NHLRC2: variants seen among roughly 807,000 people sequenced by gnomAD.
NHLRC2 encodes the protein NHL repeat-containing protein 2.
Under a neutral mutation model 68.1 loss-of-function variants are expected in NHLRC2, and 33 were observed. The ratio of observed to expected loss-of-function variants is 0.48; its 90% CI spans 0.37 to 0.65. NHLRC2 has a LOEUF of 0.65. Among genes scored for constraint, NHLRC2 ranks in the 30% least tolerant of loss-of-function variants. The probability of loss-of-function intolerance (pLI) is 0.00; values close to 1 mark genes in which losing one functional copy is unlikely to be tolerated. For missense variants in NHLRC2, 761 were observed against 853.8 expected (o/e 0.89, Z 1.35); for synonymous variants, 311 against 309.6 (o/e 1.00, Z -0.05).
chr10:113,858,637 A>G lies in NHLRC2; in HGVS notation c.288A>G (p.Leu96=), dbSNP rs200603094. The G allele has an allele frequency of 1.3e-4, 212 of 1,611,688 alleles. 4 individuals are homozygous for G. In the South Asian group the frequency reaches 2.1e-3, roughly 16 times the overall value. The change falls in exon 2 of 11, where the codon CTA becomes CTG. Residue 96 remains leucine, a synonymous_variant. Transcript: ENST00000369301. ...ACTGCTGCATAAACTGTATTCACCTATTGCCTGATCTCCATGCATTAGAAC... is the reference window on the plus strand; with the variant it reads ...ACTGCTGCATAAACTGTATTCACCTGTTGCCTGATCTCCATGCATTAGAAC... ...FTYCCINCIH[L]LPDLHALEHT...
chr10:113,877,374 G>T (rs1845994056), intron 3 of NHLRC2, among the ~76,000 whole-genome samples: 1 of 151,554 alleles, frequency 6.6e-6, no homozygotes. Flanking sequence ...TCTTTTTAAA[G>T]ATCATGTCAG....
At chr10:113,898,996 C>T (rs1233200597) in intron 6 of NHLRC2, among the ~76,000 whole-genome samples, 1 of 151,832 alleles carries the variant, frequency 6.6e-6, no homozygotes, top group African/African-American at 2.4e-5. Flanking sequence ...ATTTTTTTTC[C>T]TTAGACCCTT....
intron 2 of NHLRC2, among the ~76,000 whole-genome samples, chr10:113,867,231 T>C (rs1246480285): frequency 1.3e-5 from 2 of 152,262 alleles, no homozygotes; most frequent in African/African-American, 4.8e-5. Flanking sequence ...GAGCCAATCT[T>C]GTTTGCACAC....
At chr10:113,880,992 C>T (rs1407064218) in intron 4 of NHLRC2, among the ~76,000 whole-genome samples, 1 of 151,846 alleles carries the variant, frequency 6.6e-6, no homozygotes, top group African/African-American at 2.4e-5. Context: ...CATTTCTAAA[C>T]TTATTTGACC....
chr10:113,878,993 T>TGAA (rs558163852), intron 3 of NHLRC2, among the ~76,000 whole-genome samples: 2 of 152,194 alleles, frequency 1.3e-5, no homozygotes, highest in Non-Finnish European at 2.9e-5. Flanking sequence ...TCTCCACCCT[T>TGAA]GAAACTCTAC....
At chr10:113,893,229 A>C (rs890565174) in intron 5 of NHLRC2, among the ~76,000 whole-genome samples, 4 of 152,136 alleles carry the variant, frequency 2.6e-5, no homozygotes, top group African/African-American at 9.6e-5. Flanking sequence ...AATGCACTTG[A>C]GTACTTGTTA....
At chr10:113,877,660 A>G (rs1281827948) in intron 3 of NHLRC2, among the ~76,000 whole-genome samples, 1 of 152,180 alleles carries the variant, frequency 6.6e-6, no homozygotes, top group Non-Finnish European at 1.5e-5. Flanking sequence ...ATCTAAACTG[A>G]GCTGACATTT....
intron 9 of NHLRC2, among the ~76,000 whole-genome samples, chr10:113,904,095 T>C (rs1846252755): frequency 6.6e-6 from 1 of 151,162 alleles, no homozygotes; most frequent in Non-Finnish European, 1.5e-5. Context: ...GCTTATTGTT[T>C]TTGTTTTTTT....
At chr10:113,906,539 CAAAA>C (rs552924833) in intron 10 of NHLRC2, among the ~76,000 whole-genome samples, 18 of 134,500 alleles carry the variant, frequency 1.3e-4, no homozygotes, top group African/African-American at 4.8e-4. Flanking sequence ...AGTTTTAAGC[CAAAA>C]AAAAAAAGGC....
At chr10:113,874,075 C>T (rs1365047029) in intron 2 of NHLRC2, among the ~76,000 whole-genome samples, 1 of 152,052 alleles carries the variant, frequency 6.6e-6, no homozygotes, top group African/African-American at 2.4e-5. Flanking sequence ...ACATGATGCA[C>T]TTTCTTTGCT....
intron 5 of NHLRC2, 152 bp downstream of exon 5, chr10:113,884,532 CAA>C (rs747284163): frequency 5.2e-5 from 25 of 482,350 alleles, no homozygotes; most frequent in Non-Finnish European, 8.5e-5. Flanking sequence ...TGTGTAAAAA[CAA>C]AGCTAGCAGT....
intron 3 of NHLRC2, among the ~76,000 whole-genome samples, chr10:113,878,062 G>GA (rs1049344195): frequency 2.8e-4 from 43 of 152,272 alleles, no homozygotes; most frequent in African/African-American, 9.6e-4. Flanking sequence ...CATAGTTCTA[G>GA]AAATACTGTT....
At chr10:113,863,576 AAAACACAGTAAACCC>A (rs1845835902) in intron 2 of NHLRC2, among the ~76,000 whole-genome samples, 1 of 152,124 alleles carries the variant, frequency 6.6e-6, no homozygotes, top group South Asian at 2.1e-4. Flanking sequence ...TAGAAAAAGA[AAAACACAGTAAACCC>A]AAAGCTAACC....
Position 113,888,696 on chromosome 10 carries a change from G to A in NHLRC2, c.1039+4316G>A, listed in dbSNP as rs77335890. Among the ~76,000 whole-genome samples the A allele has an allele frequency of 1.9e-3, 291 of 151,996 alleles. 2 individuals are homozygous for A. Among genetic ancestry groups the A allele is most frequent in the African/African-American group, 6.8e-3 (281 of 41,478 alleles). ...TCATGCACCAAAAATAATTACTACA[G>A]TAAGTTCATTTTTTCAGCAGATACA... On this transcript the variant is annotated intron_variant, in intron 5 of 10. Transcript: ENST00000369301.
chr10:113,898,986 A>T (rs1260922886), intron 6 of NHLRC2, among the ~76,000 whole-genome samples: 1 of 151,856 alleles, frequency 6.6e-6, no homozygotes, highest in Non-Finnish European at 1.5e-5. Context: ...AGTTTCTCAT[A>T]TTTTTTTTCC....
At chr10:113,896,370 C>T (rs1846177840) in intron 5 of NHLRC2, among the ~76,000 whole-genome samples, 1 of 151,838 alleles carries the variant, frequency 6.6e-6, no homozygotes, top group Non-Finnish European at 1.5e-5. Context: ...TTTGTAGGGA[C>T]ATGGATGAAA....
chr10:113,894,460 A>G (rs575696433), intron 5 of NHLRC2, among the ~76,000 whole-genome samples: 1 of 152,272 alleles, frequency 6.6e-6, no homozygotes, highest in East Asian at 1.9e-4. Flanking sequence ...CCTGTACCCA[A>G]CAACATTGCT....
In NHLRC2 at chr10:113,902,498, G is replaced by C; in HGVS notation, c.1399G>C (p.Gly467Arg). ...MNLFAFGDVD[G>R]VGINAKLQHP... is the part of the protein sequence containing the mutation. The stretch of plus-strand genomic sequence containing the variant: ...TTTATTTGCTTTTGGTGATGTTGAT[G>C]GAGTAGGAATCAATGCAAAGCTTCA... Residue 467 changes from glycine to arginine, a missense_variant, in exon 8 of 11, where the codon GGA becomes CGA. Gly to Arg is a moderately radical substitution (Grantham distance 125). Coordinates refer to ENST00000369301, the MANE Select transcript of NHLRC2 (RefSeq NM_198514.4). 1 of 1,583,132 alleles carries C rather than the reference G, an allele frequency of 6.3e-7. No individual in the cohort carries two copies. The highest frequency in any genetic ancestry group is 8.6e-7 in the Non-Finnish European group (1 of 1,166,832).
At chr10:113,870,724 G>A (rs769218615) in intron 2 of NHLRC2, among the ~76,000 whole-genome samples, 1 of 152,192 alleles carries the variant, frequency 6.6e-6, no homozygotes, top group Non-Finnish European at 1.5e-5. Context: ...TCTTCATCAG[G>A]AAAGTTGTAC....
Sources: allele counts gnomAD v4.1 joint callset (sites outside exome capture counted in the v4.1 genomes callset), GRCh38; gene constraint gnomAD v4.1.1; transcripts MANE v1.5; gene names NCBI Gene and HGNC (gene_info 2026-07-23, HGNC 2026-07-21).